PAPPA: variants seen among roughly 807,000 people sequenced by gnomAD.
PAPPA encodes the protein pappalysin-1.
In PAPPA, 60 loss-of-function variants were observed where a neutral mutation model predicts 164.0. The observed-to-expected ratio is 0.37, with a 90% CI of 0.30 to 0.45. PAPPA has a LOEUF of 0.45. Ranked by LOEUF, PAPPA falls within the 20% of genes least tolerant of loss-of-function variation. The pLI is 1.00. For synonymous variants in PAPPA, 875 were observed against 814.1 expected (o/e 1.07, Z -1.27); for missense variants, 1,782 against 2,087.3 (o/e 0.85, Z 2.85).
chr9:116,206,354 C>T (rs915619759), intron 2 of PAPPA, among the ~76,000 whole-genome samples: 8 of 152,244 alleles, frequency 5.3e-5, no homozygotes, highest in South Asian at 2.1e-4. Flanking sequence ...AGATCTCAGA[C>T]GTATCCTATT....
chr9:116,184,980 T>G (rs2118622126), intron 1 of PAPPA, among the ~76,000 whole-genome samples: 1 of 152,172 alleles, frequency 6.6e-6, no homozygotes, highest in East Asian at 1.9e-4. Flanking sequence ...CACAGGCAAC[T>G]CCAAAACCGA....
At chr9:116,262,703 G>C (rs1432695729) in intron 7 of PAPPA, among the ~76,000 whole-genome samples, 1 of 152,190 alleles carries the variant, frequency 6.6e-6, no homozygotes, top group East Asian at 1.9e-4. Flanking sequence ...AGAGGGCTTA[G>C]GGTCCATCTG....
At chr9:116,262,903 C>A (rs1314619871) in intron 7 of PAPPA, among the ~76,000 whole-genome samples, 2 of 152,226 alleles carry the variant, frequency 1.3e-5, no homozygotes, top group African/African-American at 4.8e-5. Flanking sequence ...ATCTATTCTA[C>A]CTAGGTTCTT....
chr9:116,161,074 C>T (rs769988552), intron 1 of PAPPA, among the ~76,000 whole-genome samples: 6 of 152,222 alleles, frequency 3.9e-5, no homozygotes, highest in Admixed American at 6.5e-5. Context: ...CCACAGTGCA[C>T]GGGTCAGCAT....
At chr9:116,210,648 G>A (rs1844295143) in intron 3 of PAPPA, among the ~76,000 whole-genome samples, 2 of 152,132 alleles carry the variant, frequency 1.3e-5, no homozygotes, top group Non-Finnish European at 2.9e-5. Flanking sequence ...AAATTCTGCT[G>A]AGATCTGTTC....
chr9:116,205,493 A>G (rs1230847707), intron 2 of PAPPA, among the ~76,000 whole-genome samples: 1 of 152,168 alleles, frequency 6.6e-6, no homozygotes, highest in Non-Finnish European at 1.5e-5. Context: ...TGATCCAAGA[A>G]AATCTCAGCT....
chr9:116,227,516 A>G lies in PAPPA; in HGVS notation c.2197A>G (p.Ser733Gly). 1 of 1,614,128 alleles carries G rather than the reference A, an allele frequency of 6.2e-7. No homozygotes were observed. Among genetic ancestry groups the G allele is most frequent in the Non-Finnish European group, 8.5e-7 (1 of 1,180,000 alleles). The change falls in exon 6 of 22, where the codon AGC (serine) becomes GGC (glycine). Residue 733 changes from serine (S) to glycine (G), a missense_variant. Physicochemically the swap from Ser to Gly is moderately conservative, Grantham distance 56. Transcript: ENST00000328252. Reference sequence around the variant, plus strand: ...CAACGCTTCCTCCCCAATGCCCTGCAGCCCATCAGGACACTGGAGCCCTCG... The same window carrying G: ...CAACGCTTCCTCCCCAATGCCCTGCGGCCCATCAGGACACTGGAGCCCTCG... The part of the protein sequence containing the change: ...ASNASSPMPC[S>G]PSGHWSPREA...
intron 12 of PAPPA, among the ~76,000 whole-genome samples, chr9:116,333,066 G>C (rs1333900952): frequency 5.9e-5 from 9 of 152,098 alleles, no homozygotes; most frequent in Non-Finnish European, 1.3e-4. Context: ...GCAGGGCCAA[G>C]GGGGAGGACA....
chr9:116,295,933 T>C (rs1845500684), intron 9 of PAPPA, among the ~76,000 whole-genome samples: 1 of 152,222 alleles, frequency 6.6e-6, no homozygotes, highest in Admixed American at 6.5e-5. Flanking sequence ...ATTAAATGAA[T>C]GTATAGACTT....
At chr9:116,279,733 A>T (rs1190469848) in intron 9 of PAPPA, among the ~76,000 whole-genome samples, 1 of 152,196 alleles carries the variant, frequency 6.6e-6, no homozygotes, top group Non-Finnish European at 1.5e-5. Flanking sequence ...ATCTGCACAT[A>T]CATGTGCCTT....
At chr9:116,317,613 G>T (rs886119141) in intron 10 of PAPPA, among the ~76,000 whole-genome samples, 6 of 152,202 alleles carry the variant, frequency 3.9e-5, no homozygotes, top group African/African-American at 1.4e-4. Flanking sequence ...GCATTACCCA[G>T]CCCTGTTTTA....
At chr9:116,214,799 G>C (rs956954355) in intron 4 of PAPPA, among the ~76,000 whole-genome samples, 1 of 152,174 alleles carries the variant, frequency 6.6e-6, no homozygotes, top group African/African-American at 2.4e-5. Flanking sequence ...GCCTACAGGA[G>C]CAAGTGTCCT....
chr9:116,324,872 T>C (rs1038502703), intron 10 of PAPPA, among the ~76,000 whole-genome samples: 2 of 152,032 alleles, frequency 1.3e-5, no homozygotes, highest in Admixed American at 6.5e-5. Context: ...CAGAGAGCAG[T>C]GAAATTGGTG....
At chr9:116,213,539 AT>A (rs1190592352) in intron 4 of PAPPA, among the ~76,000 whole-genome samples, 1 of 152,074 alleles carries the variant, frequency 6.6e-6, no homozygotes. Context: ...CTAAAGTTCC[AT>A]TTCTATAGCA....
chr9:116,232,300 T>C (rs1844608485), intron 6 of PAPPA, among the ~76,000 whole-genome samples: 1 of 152,156 alleles, frequency 6.6e-6, no homozygotes, highest in Non-Finnish European at 1.5e-5. Context: ...TACCTCCTCT[T>C]ACCAATATTT....
At chr9:116,207,323 G>A (rs1157720596) in intron 2 of PAPPA, 133 bp from the exon 3 acceptor site, 1 of 612,258 alleles carries the variant, frequency 1.6e-6, no homozygotes, top group Non-Finnish European at 2.8e-6. Flanking sequence ...TATTATTGGG[G>A]GAATTCAATA....
chr9:116,188,686 C>T (rs916377572), intron 2 of PAPPA, among the ~76,000 whole-genome samples: 1 of 152,088 alleles, frequency 6.6e-6, no homozygotes, highest in Non-Finnish European at 1.5e-5. Flanking sequence ...TAGTAGCTAC[C>T]ATACTGGCAA....
At chr9:116,378,947 C>T (rs1199720619) in intron 20 of PAPPA, among the ~76,000 whole-genome samples, 30 of 152,198 alleles carry the variant, frequency 2.0e-4, no homozygotes, top group Admixed American at 2.0e-3. Flanking sequence ...ACCCCATTCT[C>T]TCAGGCTTCA....
intron 1 of PAPPA, among the ~76,000 whole-genome samples, chr9:116,180,384 C>A (rs1256989401): frequency 6.6e-6 from 1 of 151,928 alleles, no homozygotes; most frequent in Non-Finnish European, 1.5e-5. Context: ...TTCTCCCAAT[C>A]CCTCGCTGGG....
Sources: gnomAD v4.1 joint callset for allele counts (sites outside exome capture counted in the v4.1 genomes callset) on GRCh38, gnomAD v4.1.1 for gene constraint, MANE v1.5 for transcripts, NCBI Gene and HGNC (gene_info 2026-07-23, HGNC 2026-07-21) for gene names.